The following NCCRP1 variants were observed in gnomAD, a reference collection of about 807,000 sequenced individuals.
The protein encoded by NCCRP1 is F-box only protein 50.
NCCRP1 carries 32 observed loss-of-function variants against 34.4 expected under a neutral mutation model. The observed-to-expected ratio is 0.93, with a 90% CI of 0.70 to 1.25. The LOEUF is 1.25. NCCRP1 is among the 50% of genes most tolerant of loss of function. NCCRP1 has a pLI of 0.00. For missense variants in NCCRP1, 372 were observed against 391.8 expected (o/e 0.95, Z 0.43); for synonymous variants, 172 against 180.1 (o/e 0.95, Z 0.36).
Position 39,200,453 on chromosome 19 carries a change from C to T in NCCRP1, c.656C>T (p.Ser219Phe), listed in dbSNP as rs191938103. The change falls in exon 5 of 6, where the codon TCT becomes TTT. Residue 219 changes from serine (S) to phenylalanine (F), a missense_variant. Transcript: ENST00000339852. The surrounding 1 kb of genome is among the most constrained non-coding windows in gnomAD (Gnocchi z 5.8). ...CAGCACCACGTGGCCCCCCGAACTT[C>T]TGGGAGAGGACCCCCTGGCCGCTGG... ...IAQHHVAPRT[S>F]GRGPPGRWVQ... The T allele has an allele frequency of 1.9e-6, 3 of 1,613,530 alleles. No homozygotes were observed. The highest frequency in any genetic ancestry group is 3.3e-5 in the Admixed American group (2 of 60,020).
At position 39,200,834 on chromosome 19, in the gene NCCRP1, C is replaced by G; in HGVS notation, c.*78C>G. 6.7e-7 allele frequency: 1 copy of G among 1,501,372 alleles called. No individual in the cohort carries two copies. Among genetic ancestry groups the G allele is most frequent in the Non-Finnish European group, 8.9e-7 (1 of 1,122,212 alleles). 93.0% of individuals were successfully genotyped at this position (1,501,372 alleles called of 1,614,324 possible). ...CCCAACTCTTAGTCACCTCCTAGGC[C>G]TCTTATTTCTCCCTGGCCCTTGGCT... On this transcript the variant is annotated 3_prime_UTR_variant, in exon 6 of 6. Transcript: ENST00000339852. The surrounding 1 kb of genome is among the most constrained non-coding windows in gnomAD (Gnocchi z 5.8).
Position 39,197,072 on chromosome 19 carries a change from G to A in NCCRP1, c.90G>A (p.Arg30=). 1 of 1,530,114 alleles carries A rather than the reference G, an allele frequency of 6.5e-7. No homozygotes were observed. Among genetic ancestry groups the A allele is most frequent in the East Asian group, 2.5e-5 (1 of 40,148 alleles). The allele number at this position is 1,530,114 out of a possible 1,614,324, so 94.8% of individuals were successfully genotyped here. Reference sequence around the variant, plus strand: ...TCCAGGAGCTGCCTCCCTCGCCACGGTCGCCTTCACCGCCGCCGTCGCCGC... The same window carrying A: ...TCCAGGAGCTGCCTCCCTCGCCACGATCGCCTTCACCGCCGCCGTCGCCGC... ...ASLQELPPSP[R]SPSPPPSPPP... The change falls in exon 1 of 6, where the codon CGG becomes CGA. Residue 30 remains arginine (R), a synonymous_variant. Transcript: ENST00000339852.
In NCCRP1 at chr19:39,201,129, C is replaced by T. The variant is rs186427282; in HGVS notation, c.*373C>T. On this transcript the variant is annotated 3_prime_UTR_variant, in exon 6 of 6. Transcript: ENST00000339852. ...GCACCACCCAGCCCAGGGCTGTGAACGGAGTGGGTGGCAGCAAATGTGTGT... is the reference window on the plus strand; with the variant it reads ...GCACCACCCAGCCCAGGGCTGTGAATGGAGTGGGTGGCAGCAAATGTGTGT... The T allele has an allele frequency of 7.1e-5, 15 of 212,008 alleles. No individual in the cohort carries two copies. In the East Asian group the frequency reaches 1.6e-3, roughly 22 times the overall value. 13.1% of individuals were successfully genotyped at this position (212,008 alleles called of 1,614,324 possible).
rs1323018074 is a variant in NCCRP1 at position 39,198,836 on chromosome 19, G to A, written c.453-334G>A. On this transcript the variant is annotated intron_variant, in intron 3 of 5. Transcript: ENST00000339852. ...GTCACCCCAGGCCCCTGTCCTCCAT[G>A]AAACAGAGCCTTGCTCCTGCACAGT... 2.6e-5 allele frequency among the ~76,000 whole-genome samples: 4 copies of A among 152,160 alleles called. No homozygotes were observed. The East Asian group carries it at 7.7e-4, about 29-fold the overall frequency.
In NCCRP1 at chr19:39,200,653, G is replaced by A. The variant is rs769710252; in HGVS notation, c.725G>A (p.Arg242His). The A allele has an allele frequency of 3.1e-5, 50 of 1,614,006 alleles. No individual in the cohort carries two copies. Among genetic ancestry groups the A allele is most frequent in the South Asian group, 4.4e-5 (4 of 91,088 alleles). Residue 242 changes from arginine to histidine, a missense_variant, in exon 6 of 6, where the codon CGC becomes CAC. By Grantham distance (29) the Arg-to-His change is conservative. Coordinates refer to ENST00000339852, the MANE Select transcript of NCCRP1 (RefSeq NM_001001414.2). This position sits in a 1 kb window ranked among gnomAD's most constrained non-coding sequence, Gnocchi z 5.8. ...HVFRHYGPGVRFIHFLHKAKN... is the reference protein window; with the variant it reads ...HVFRHYGPGVHFIHFLHKAKN... ...TTCCGCCATTATGGTCCCGGTGTGC[G>A]CTTTATCCACTTCCTGCACAAGGCC...
chr19:39,198,205 A>G lies in NCCRP1; in HGVS notation c.404A>G (p.Asn135Ser), dbSNP rs368363988. Residue 135 changes from asparagine to serine, a missense_variant, in exon 3 of 6, where the codon AAT becomes AGT. Coordinates refer to ENST00000339852, the MANE Select transcript of NCCRP1 (RefSeq NM_001001414.2). Reference sequence around the variant, plus strand: ...CCCTTTGCTCCCCAACCTGCAGGCAATTTCCGTGGCTGGTACATTAGAACT... The same window carrying G: ...CCCTTTGCTCCCCAACCTGCAGGCAGTTTCCGTGGCTGGTACATTAGAACT... ...PTQRPLETLG[N>S]FRGWYIRTEK... The G allele has an allele frequency of 2.8e-5, 45 of 1,613,980 alleles. No individual in the cohort carries two copies. The highest frequency in any genetic ancestry group is 3.6e-5 in the Non-Finnish European group (42 of 1,180,020).
In NCCRP1 at chr19:39,200,291, G is replaced by A; in HGVS notation, c.549-55G>A. 6.2e-7 allele frequency: 1 copy of A among 1,600,512 alleles called. No individual in the cohort carries two copies. The highest frequency in any genetic ancestry group is 8.5e-7 in the Non-Finnish European group (1 of 1,173,356). On this transcript the variant is annotated intron_variant, in intron 4 of 5. Coordinates refer to ENST00000339852, the MANE Select transcript of NCCRP1 (RefSeq NM_001001414.2). This position sits in a 1 kb window ranked among gnomAD's most constrained non-coding sequence, Gnocchi z 5.8. ...TGAATGGGGAATGGGGCCAGGGGCT[G>A]GGGCTGGGTAGCTGAGACTGCAGTG...
At chr19:39,198,298 C>A in intron 3 of NCCRP1, 45 bp downstream of exon 3, 1 of 1,596,304 alleles carries the variant, frequency 6.3e-7, no homozygotes, top group South Asian at 1.1e-5. Context: ...TTCCCTGCTC[C>A]ACCCTTCCTC....
At chr19:39,199,509 C>CTTTTTTTTTTTTTT (rs150534648) in intron 4 of NCCRP1, among the ~76,000 whole-genome samples, 9 of 67,868 alleles carry the variant, frequency 1.3e-4, no homozygotes, top group South Asian at 1.5e-3. Context: ...TTTTTTCTTT[C>CTTTTTTTTTTTTTT]TTTTTTTTTT....
In NCCRP1 at chr19:39,197,201, G is replaced by A. The variant is rs1259649319; in HGVS notation, c.219G>A (p.Leu73=). 2.4e-5 allele frequency: 35 copies of A among 1,434,126 alleles called. No homozygotes were observed. The highest frequency in any genetic ancestry group is 2.4e-5 in the Non-Finnish European group (27 of 1,107,016). The allele number at this position is 1,434,126 out of a possible 1,614,324, so 88.8% of individuals were successfully genotyped here. A position where few individuals can be genotyped will look rare whatever the true frequency, so the allele number is the denominator to read the frequency against. Residue 73 remains leucine, a synonymous_variant, in exon 1 of 6, where the codon CTG becomes CTA. Coordinates refer to ENST00000339852, the MANE Select transcript of NCCRP1 (RefSeq NM_001001414.2). ...CCGAGGCTCACGCCCGGCAGCTGCT[G>A]CTGGAGGAGTGGGGGCCGCTGAGCG... ...QPSEAHARQL[L]LEEWGPLSGG...
rs60036622 is a variant in NCCRP1 at position 39,201,312 on chromosome 19, C to CT, written c.*572dup. The CT allele has an allele frequency of 0.3, 41,611 of 137,546 alleles. 7,581 individuals are homozygous for CT. Among genetic ancestry groups the CT allele is most frequent in the East Asian group, 0.44 (2,055 of 4,670 alleles). 8.5% of individuals were successfully genotyped at this position (137,546 alleles called of 1,614,324 possible). ...TCCCCTTAGCATCTCCACTTACCTACTTTTTTTTTTTTTTTTGAGATGGCA... is the reference window on the plus strand; with the variant it reads ...TCCCCTTAGCATCTCCACTTACCTACTTTTTTTTTTTTTTTTTGAGATGGCA... On this transcript the variant is annotated 3_prime_UTR_variant, in exon 6 of 6. Coordinates refer to ENST00000339852, the MANE Select transcript of NCCRP1 (RefSeq NM_001001414.2).
rs1302884564 is a variant in NCCRP1, at chr19:39,197,247, C to A, written c.265C>A (p.Arg89Ser). 5 of 1,485,488 alleles carry A rather than the reference C, an allele frequency of 3.4e-6. No homozygotes were observed. The African/African-American group carries it at 5.8e-5, about 17-fold the overall frequency. 92.0% of individuals were successfully genotyped at this position (1,485,488 alleles called of 1,614,324 possible). A position where few individuals can be genotyped will look rare whatever the true frequency, so the allele number is the denominator to read the frequency against. ...PLSGGLELPQ[R>S]LTWKLLLLRR... ...GAGCGGGGGCCTGGAGCTGCCCCAG[C>A]GCCTCACCTGGAAGCTGCTCCTGTT... Residue 89 changes from arginine to serine, a missense_variant, in exon 1 of 6, where the codon CGC (arginine) becomes AGC (serine). By Grantham distance (110) the Arg-to-Ser change is moderately radical. Coordinates refer to ENST00000339852, the MANE Select transcript of NCCRP1 (RefSeq NM_001001414.2).
chr19:39,198,030 C>A (rs772428864), intron 1 of NCCRP1, 23 bp from the exon 2 acceptor site: 2 of 1,612,244 alleles, frequency 1.2e-6, no homozygotes, highest in Non-Finnish European at 1.7e-6. Context: ...TGCCCAGAGG[C>A]TCCACTCACC....
At chr19:39,199,517 T>C (rs1323396330) in intron 4 of NCCRP1, among the ~76,000 whole-genome samples, 3 of 127,808 alleles carry the variant, frequency 2.3e-5, no homozygotes, top group South Asian at 2.7e-4. Context: ...TTCTTTTTTT[T>C]TTTTTTTTTT....
chr19:39,200,276 A>G lies in NCCRP1; in HGVS notation c.549-70A>G. Reference sequence around the variant, plus strand: ...TAGCAGCATGTGTGTTGAATGGGGAATGGGGCCAGGGGCTGGGGCTGGGTA... The same window carrying G: ...TAGCAGCATGTGTGTTGAATGGGGAGTGGGGCCAGGGGCTGGGGCTGGGTA... On this transcript the variant is annotated intron_variant, in intron 4 of 5. Transcript: ENST00000339852. The surrounding 1 kb of genome is among the most constrained non-coding windows in gnomAD (Gnocchi z 5.8). 6.3e-7 allele frequency: 1 copy of G among 1,579,238 alleles called. No individual in the cohort carries two copies. The highest frequency in any genetic ancestry group is 8.6e-7 in the Non-Finnish European group (1 of 1,159,276).
At chr19:39,199,344 C>A in intron 4 of NCCRP1, 79 bp downstream of exon 4, 2 of 1,341,948 alleles carry the variant, frequency 1.5e-6, no homozygotes, top group East Asian at 2.4e-5. Context: ...CTGAGCTCCC[C>A]TTGCTTTCAG....
chr19:39,200,107 A>C lies in NCCRP1; in HGVS notation c.549-239A>C, dbSNP rs2074781435. On this transcript the variant is annotated intron_variant, in intron 4 of 5. Transcript: ENST00000339852. The surrounding 1 kb of genome is among the most constrained non-coding windows in gnomAD (Gnocchi z 5.8). ...CCCTCTGCCCGTGCTCCCCATCCCA[A>C]ACCTGGCCGTTCCTGGCTGTCATGT... Among the ~76,000 whole-genome samples, 1 of 151,654 alleles carries C rather than the reference A, an allele frequency of 6.6e-6. No individual in the cohort carries two copies. Among genetic ancestry groups the C allele is most frequent in the Non-Finnish European group, 1.5e-5 (1 of 67,888 alleles).
Position 39,199,207 on chromosome 19 carries a change from G to T in NCCRP1, c.490G>T (p.Glu164Ter). 1 of 1,614,072 alleles carries T rather than the reference G, an allele frequency of 6.2e-7. No homozygotes were observed. Among genetic ancestry groups the T allele is most frequent in the Non-Finnish European group, 8.5e-7 (1 of 1,180,008 alleles). Residue 164 changes from glutamate to a stop codon, truncating the protein, a stop_gained, in exon 4 of 6, where the codon GAG becomes TAG. Coordinates refer to ENST00000339852, the MANE Select transcript of NCCRP1 (RefSeq NM_001001414.2). LOFTEE classifies it high-confidence loss of function. Reference sequence around the variant, plus strand: ...GCAGCAGTGTGTGGACCTTCTGGCCGAGGGCCTGTGGGAGGAGCTGCTGGA... The same window carrying T: ...GCAGCAGTGTGTGGACCTTCTGGCCTAGGGCCTGTGGGAGGAGCTGCTGGA... ...VKQQCVDLLA[E>*]GLWEELLDDE...
At chr19:39,199,702 G>A (rs1341895855) in intron 4 of NCCRP1, among the ~76,000 whole-genome samples, 2 of 151,556 alleles carry the variant, frequency 1.3e-5, no homozygotes, top group South Asian at 2.1e-4. Flanking sequence ...TAGTAGCGAT[G>A]GGGTTTCACC....
Sources: allele counts gnomAD v4.1 joint callset (sites outside exome capture counted in the v4.1 genomes callset), GRCh38; gene constraint gnomAD v4.1.1; non-coding constraint Gnocchi (gnomAD v3.1); transcripts MANE v1.5; gene names NCBI Gene and HGNC (gene_info 2026-07-23, HGNC 2026-07-21).